The following HAO1 variants were observed in gnomAD, a reference collection of about 807,000 sequenced individuals.
HAO1 encodes the protein 2-Hydroxyacid oxidase 1.
HAO1 carries 34 observed loss-of-function variants against 39.7 expected under a neutral mutation model. The ratio of observed to expected loss-of-function variants is 0.86; its 90% confidence interval spans 0.65 to 1.14. The LOEUF (loss-of-function observed/expected upper bound fraction) is 1.14, where lower values mean the gene tolerates loss of function less well. Ranked by LOEUF, HAO1 falls within the 50% of genes most tolerant of loss-of-function variation. The pLI is 0.00. For synonymous variants in HAO1, 172 were observed against 173.2 expected (o/e 0.99, Z 0.05); for missense variants, 479 against 464.5 (o/e 1.03, Z -0.29).
At chr20:7,892,919 G>A (rs1352869829) in intron 5 of HAO1, among the ~76,000 whole-genome samples, 1 of 152,128 alleles carries the variant, frequency 6.6e-6, no homozygotes, top group African/African-American at 2.4e-5. Context: ...TTTAAAAGAT[G>A]AAGAAACCAA....
chr20:7,909,379 G>GTATATATATATATATATATATATATGTA (rs2050265749), intron 3 of HAO1, among the ~76,000 whole-genome samples: 16 of 108,216 alleles, frequency 1.5e-4, no homozygotes, highest in Admixed American at 2.8e-4. Context: ...ATATATATAT[G>GTATATATATATATATATATATATATGTA]TATATATATA....
At chr20:7,931,732 G>C (rs1385028832) in intron 2 of HAO1, among the ~76,000 whole-genome samples, 1 of 152,110 alleles carries the variant, frequency 6.6e-6, no homozygotes, top group Non-Finnish European at 1.5e-5. Context: ...TCAAATCATA[G>C]TTTCTAAGGA....
chr20:7,901,612 A>G (rs190554027), intron 4 of HAO1, among the ~76,000 whole-genome samples: 75 of 152,344 alleles, frequency 4.9e-4, no homozygotes, highest in South Asian at 8.3e-4. Context: ...GAAGAACACA[A>G]AAAGATTAAT....
intron 4 of HAO1, among the ~76,000 whole-genome samples, chr20:7,896,765 T>G (rs1461519364): frequency 6.6e-6 from 1 of 152,182 alleles, no homozygotes; most frequent in Non-Finnish European, 1.5e-5. Flanking sequence ...TTCAGAATAT[T>G]ATCCAGTTCT....
At position 7,909,360 on chromosome 20, in the gene HAO1, C is replaced by CATAT. The variant is rs749171756; in HGVS notation, c.546-3035_546-3032dup. On this transcript the variant is annotated intron_variant, in intron 3 of 7. Coordinates refer to ENST00000378789, the MANE Select transcript of HAO1 (RefSeq NM_017545.3). ...AATGCTATTTTTATTCGGATTATGACATATATATATATATATATGTATATA... is the reference window on the plus strand; with the variant it reads ...AATGCTATTTTTATTCGGATTATGACATATATATATATATATATATATGTATATA... Among the ~76,000 whole-genome samples the CATAT allele has an allele frequency of 4.3e-3, 474 of 109,038 alleles. 4 individuals are homozygous for CATAT. Among genetic ancestry groups the CATAT allele is most frequent in the Middle Eastern group, 5.2e-3 (1 of 192 alleles). The allele number at this position is 109,038 out of a possible 152,430, so 71.5% of individuals were successfully genotyped here. A position where few individuals can be genotyped will look rare whatever the true frequency, so the allele number is the denominator to read the frequency against.
Position 7,883,370 on chromosome 20 carries a change from A to C in HAO1, c.*223T>G, listed in dbSNP as rs1476761957. 3.6e-6 allele frequency: 2 copies of C among 549,790 alleles called. No individual in the cohort carries two copies. Among genetic ancestry groups the C allele is most frequent in the Non-Finnish European group, 6.5e-6 (2 of 307,058 alleles). 34.1% of individuals were successfully genotyped at this position (549,790 alleles called of 1,614,324 possible). On this transcript the variant is annotated 3_prime_UTR_variant, in exon 8 of 8. Coordinates refer to ENST00000378789, the MANE Select transcript of HAO1 (RefSeq NM_017545.3). ...ATGTTTTCTTTTTAACAGTTAATAT[A>C]TTTCCAGGATGAAAGTCCATTTCTT... is the stretch of plus-strand genomic sequence containing the variant.
At chr20:7,883,724 C>G (rs1600103137) in intron 7 of HAO1, 61 bp from the exon 8 acceptor site, 1 of 1,255,074 alleles carries the variant, frequency 8.0e-7, no homozygotes, top group East Asian at 2.3e-5. Context: ...GGCAGGTAAT[C>G]GTTTTCCCAA....
chr20:7,939,962 C>T (rs1326004116), intron 1 of HAO1, among the ~76,000 whole-genome samples: 1 of 152,194 alleles, frequency 6.6e-6, no homozygotes, highest in Non-Finnish European at 1.5e-5. Flanking sequence ...TGAACATAAG[C>T]ATTTACTGTC....
intron 2 of HAO1, among the ~76,000 whole-genome samples, chr20:7,920,364 C>A (rs1326846193): frequency 6.6e-6 from 1 of 152,096 alleles, no homozygotes; most frequent in African/African-American, 2.4e-5. Flanking sequence ...TAGTCTCGGG[C>A]AGTTCCTTAT....
In HAO1 at chr20:7,900,449, C is replaced by T. The variant is rs147997681; in HGVS notation, c.722-5225G>A. Among the ~76,000 whole-genome samples the T allele has an allele frequency of 6.8e-3, 1,042 of 152,234 alleles. 5 individuals are homozygous for T. The highest frequency in any genetic ancestry group is 0.023 in the African/African-American group (968 of 41,542). On this transcript the variant is annotated intron_variant, in intron 4 of 7. Transcript: ENST00000378789. ...TATCAGCACTATTTTTCTAACAGCACGTGCTCAATTGGTATCCCTGTGTCA... is the reference window on the plus strand; with the variant it reads ...TATCAGCACTATTTTTCTAACAGCATGTGCTCAATTGGTATCCCTGTGTCA...
At chr20:7,923,720 T>G (rs1040525513) in intron 2 of HAO1, among the ~76,000 whole-genome samples, 2 of 152,162 alleles carry the variant, frequency 1.3e-5, no homozygotes, top group African/African-American at 4.8e-5. Context: ...AGGAATCACA[T>G]GGGTATGTTA....
At chr20:7,936,372 T>C (rs894186918) in intron 1 of HAO1, among the ~76,000 whole-genome samples, 5 of 152,142 alleles carry the variant, frequency 3.3e-5, no homozygotes, top group Non-Finnish European at 7.3e-5. Flanking sequence ...AAGTGTGTTA[T>C]TAGAATGAGA....
intron 3 of HAO1, among the ~76,000 whole-genome samples, chr20:7,912,198 G>A (rs534816530): frequency 1.2e-4 from 18 of 152,054 alleles, no homozygotes; most frequent in Admixed American, 2.6e-4. Context: ...TTCATGGCCC[G>A]TCACATCATC....
chr20:7,914,554 G>A, intron 2 of HAO1, 135 bp from the exon 3 acceptor site: 1 of 905,888 alleles, frequency 1.1e-6, no homozygotes, highest in East Asian at 2.6e-5. Flanking sequence ...AAAGAGAGAA[G>A]AAAGTCTGGC....
intron 2 of HAO1, among the ~76,000 whole-genome samples, chr20:7,928,767 T>C (rs765655752): frequency 6.6e-6 from 1 of 152,180 alleles, no homozygotes; most frequent in Non-Finnish European, 1.5e-5. Flanking sequence ...AAATCAGATG[T>C]CCCAGATGTA....
At chr20:7,934,712 A>C in intron 1 of HAO1, 77 bp from the exon 2 acceptor site, 1 of 839,852 alleles carries the variant, frequency 1.2e-6, no homozygotes, top group Non-Finnish European at 1.7e-6. Context: ...ATTACATTTT[A>C]GTTAAAAGAA....
intron 4 of HAO1, among the ~76,000 whole-genome samples, chr20:7,897,784 T>C (rs1412663677): frequency 6.6e-6 from 1 of 152,208 alleles, no homozygotes; most frequent in East Asian, 1.9e-4. Flanking sequence ...TAGATTCATC[T>C]TGATTTGTTA....
At chr20:7,912,056 G>T (rs2050282478) in intron 3 of HAO1, among the ~76,000 whole-genome samples, 1 of 152,214 alleles carries the variant, frequency 6.6e-6, no homozygotes, top group Admixed American at 6.5e-5. Flanking sequence ...ACACCCAGCT[G>T]CGGGGTGTTT....
chr20:7,911,074 C>T (rs1052897380), intron 3 of HAO1, among the ~76,000 whole-genome samples: 3 of 152,294 alleles, frequency 2.0e-5, no homozygotes, highest in African/African-American at 7.2e-5. Context: ...CTCCGGGGTT[C>T]CAGCATGCCT....
Sources: gnomAD v4.1 joint callset for allele counts (sites outside exome capture counted in the v4.1 genomes callset) on GRCh38, gnomAD v4.1.1 for gene constraint, MANE v1.5 for transcripts, NCBI Gene and HGNC (gene_info 2026-07-23, HGNC 2026-07-21) for gene names.